The following KHDRBS2 variants were observed in gnomAD, a reference collection of about 807,000 sequenced individuals.
The protein encoded by KHDRBS2 is KH domain-containing, RNA-binding, signal transduction-associated protein 2.
Under a neutral mutation model 44.3 loss-of-function variants are expected in KHDRBS2, and 26 were observed. The observed-to-expected ratio is 0.59, with a 90% CI of 0.43 to 0.81. The LOEUF is 0.81. KHDRBS2 is among the 40% of genes least tolerant of loss of function. The pLI is 0.00. For missense variants in KHDRBS2, 476 were observed against 433.1 expected, an observed-to-expected ratio of 1.10 and a Z score of -0.88; for synonymous variants, 194 against 151.1, an observed-to-expected ratio of 1.28 and a Z score of -2.08.
rs139729967 is a variant in KHDRBS2, at chr6:62,239,925, T to C, written c.91+45933A>G. ...CTCTCAAACTCCTGACCTCAGGTGG[T>C]CCACCTACCTTGGCCTCCCAAAGTG... On this transcript the variant is annotated intron_variant, in intron 1 of 8. Transcript: ENST00000281156. Among the ~76,000 whole-genome samples the C allele has an allele frequency of 7.1e-3, 1,078 of 152,238 alleles. 6 individuals are homozygous for C. Among genetic ancestry groups the C allele is most frequent in the Non-Finnish European group, 0.013 (892 of 68,010 alleles).
intron 6 of KHDRBS2, among the ~76,000 whole-genome samples, chr6:61,776,390 C>T (rs200329880): frequency 6.6e-6 from 1 of 152,080 alleles, no homozygotes; most frequent in African/African-American, 2.4e-5. Context: ...ACAACCTACT[C>T]ATCTGACAAA....
At chr6:61,591,178 T>C in the KHDRBS2 span, among the ~76,000 whole-genome samples, 1 of 152,198 alleles carries the variant, frequency 6.6e-6, no homozygotes, top group African/African-American at 2.4e-5. Context: ...AATTCCTTCA[T>C]CATTGACAGA....
At chr6:61,801,871 A>G (rs1212803637) in intron 6 of KHDRBS2, among the ~76,000 whole-genome samples, 2 of 152,170 alleles carry the variant, frequency 1.3e-5, no homozygotes, top group Non-Finnish European at 2.9e-5. Context: ...AGGATTTTAC[A>G]GATGTAATTA....
intron 8 of KHDRBS2, among the ~76,000 whole-genome samples, chr6:61,689,191 C>T (rs565992290): frequency 3.0e-4 from 45 of 151,932 alleles, no homozygotes; most frequent in Non-Finnish European, 3.8e-4. Flanking sequence ...CAGCAGCTGT[C>T]AGAACCTTCA....
rs184293891 is a variant in KHDRBS2 at position 62,164,170 on chromosome 6, T to C, written c.219+13015A>G. Among the ~76,000 whole-genome samples, 85 of 152,040 alleles carry C rather than the reference T, an allele frequency of 5.6e-4. 2 individuals carry two copies. In the East Asian group the frequency reaches 0.016, roughly 28 times the overall value. ...ATGCTTAAATTATAATAAGGAACTATATGATGTAATGAGATAAAGGCAACA... is the reference window on the plus strand; with the variant it reads ...ATGCTTAAATTATAATAAGGAACTACATGATGTAATGAGATAAAGGCAACA... On this transcript the variant is annotated intron_variant, in intron 2 of 8. Transcript: ENST00000281156.
chr6:61,689,377 T>C (rs553133189), intron 8 of KHDRBS2, among the ~76,000 whole-genome samples: 1 of 151,954 alleles, frequency 6.6e-6, no homozygotes, highest in Non-Finnish European at 1.5e-5. Flanking sequence ...ACCCCCGAAT[T>C]TGTAGCCAGC....
intron 7 of KHDRBS2, among the ~76,000 whole-genome samples, chr6:61,723,540 C>T (rs1350275484): frequency 6.6e-6 from 1 of 151,890 alleles, no homozygotes; most frequent in East Asian, 1.9e-4. Flanking sequence ...CAGAGAAAGA[C>T]TCCATCTCAA....
At chr6:61,873,388 A>G (rs2127306705) in intron 6 of KHDRBS2, among the ~76,000 whole-genome samples, 1 of 152,178 alleles carries the variant, frequency 6.6e-6, no homozygotes, top group Non-Finnish European at 1.5e-5. Flanking sequence ...CAATAAATTT[A>G]TGAAAATATA....
intron 2 of KHDRBS2, among the ~76,000 whole-genome samples, chr6:62,074,081 C>A (rs1432310547): frequency 6.6e-6 from 1 of 151,786 alleles, no homozygotes; most frequent in Non-Finnish European, 1.5e-5. Flanking sequence ...TAGGAGCCAT[C>A]AGAGCAGAAA....
chr6:61,824,873 C>T (rs369815677), intron 6 of KHDRBS2, among the ~76,000 whole-genome samples: 1 of 152,088 alleles, frequency 6.6e-6, no homozygotes, highest in African/African-American at 2.4e-5. Context: ...ATCAAATTTA[C>T]TACACATTTT....
At chr6:61,922,540 G>T (rs1199575775) in intron 4 of KHDRBS2, among the ~76,000 whole-genome samples, 1 of 151,912 alleles carries the variant, frequency 6.6e-6, no homozygotes, top group Non-Finnish European at 1.5e-5. Flanking sequence ...GCTATCTAGG[G>T]CTAGGAAAAG....
the KHDRBS2 span, among the ~76,000 whole-genome samples, chr6:61,601,495 T>A: frequency 6.6e-6 from 1 of 152,134 alleles, no homozygotes; most frequent in Non-Finnish European, 1.5e-5. Flanking sequence ...AATGGCACTT[T>A]CAATTTTTCC....
At chr6:62,018,080 A>G (rs1781539051) in intron 3 of KHDRBS2, among the ~76,000 whole-genome samples, 1 of 151,656 alleles carries the variant, frequency 6.6e-6, no homozygotes, top group Non-Finnish European at 1.5e-5. Flanking sequence ...TATAATGGTA[A>G]TAAAAGAACA....
At chr6:61,692,262 C>T (rs1273746618) in intron 8 of KHDRBS2, among the ~76,000 whole-genome samples, 1 of 151,854 alleles carries the variant, frequency 6.6e-6, no homozygotes, top group Non-Finnish European at 1.5e-5. Flanking sequence ...TTTGGAATTC[C>T]TGTAAGTCAA....
At chr6:61,707,891 A>G (rs973385011) in intron 7 of KHDRBS2, among the ~76,000 whole-genome samples, 4 of 151,708 alleles carry the variant, frequency 2.6e-5, no homozygotes, top group Non-Finnish European at 5.9e-5. Flanking sequence ...TGCTATTATG[A>G]GTTAATTCCT....
At chr6:61,930,129 AGACCCT>A (rs916228504) in intron 4 of KHDRBS2, among the ~76,000 whole-genome samples, 1 of 152,104 alleles carries the variant, frequency 6.6e-6, no homozygotes, top group Non-Finnish European at 1.5e-5. Flanking sequence ...CACAGTATTC[AGACCCT>A]GCAGAGGATG....
chr6:62,064,898 T>C (rs1793157871), intron 2 of KHDRBS2, among the ~76,000 whole-genome samples: 1 of 150,128 alleles, frequency 6.7e-6, no homozygotes, highest in Non-Finnish European at 1.5e-5. Flanking sequence ...AAAGGGCTAA[T>C]ATCCAGAATC....
At chr6:61,651,860 G>A in the KHDRBS2 span, among the ~76,000 whole-genome samples, 1 of 152,122 alleles carries the variant, frequency 6.6e-6, no homozygotes, top group African/African-American at 2.4e-5. Flanking sequence ...GGCTGTAACA[G>A]TAGATATAGG....
chr6:62,191,089 T>A lies in KHDRBS2; in HGVS notation c.92-13777A>T, dbSNP rs1215644881. 1.1e-4 allele frequency among the ~76,000 whole-genome samples: 17 copies of A among 152,284 alleles called. No homozygotes were observed. The East Asian group carries it at 3.3e-3, about 29-fold the overall frequency. ...TTCTGTTGGAGTATGGTATCTGAAC[T>A]GTGTTTATTCCCTGGCTGTACTAAG... On this transcript the variant is annotated intron_variant, in intron 1 of 8. Transcript: ENST00000281156.
Sources: gnomAD v4.1 joint callset for allele counts (sites outside exome capture counted in the v4.1 genomes callset) on GRCh38, gnomAD v4.1.1 for gene constraint, MANE v1.5 for transcripts, NCBI Gene and HGNC (gene_info 2026-07-23, HGNC 2026-07-21) for gene names.